Variants in HAL observed in about 807,000 individuals in gnomAD.
HAL encodes the protein histidase.
Under a neutral mutation model 81.1 loss-of-function variants are expected in HAL, and 85 were observed. That is an observed-to-expected ratio of 1.05 (90% CI 0.88 to 1.25). The LOEUF (loss-of-function observed/expected upper bound fraction) is 1.25. Ranked by LOEUF, HAL falls within the 50% of genes most tolerant of loss-of-function variation. The pLI is 0.00. For synonymous variants in HAL, 301 were observed against 309.2 expected (o/e 0.97, Z 0.28); for missense variants, 798 against 836.6 (o/e 0.95, Z 0.57).
intron 14 of HAL, 36 bp downstream of exon 14, chr12:95,985,872 A>T (rs1426526527): frequency 2.0e-6 from 3 of 1,467,658 alleles, no homozygotes; most frequent in Non-Finnish European, 2.8e-6. Flanking sequence ...CTTTATTGGC[A>T]TTTTTTATTG....
chr12:95,974,074 A>C lies in HAL; in HGVS notation c.*158T>G, dbSNP rs2080686027. On this transcript the variant is annotated 3_prime_UTR_variant, in exon 21 of 21. Transcript: ENST00000261208. Reference sequence around the variant, plus strand: ...GAACACAGTGCTGAATTTAGCAACTATAATACTGCCATCAGCCTAACCAAC... The same window carrying C: ...GAACACAGTGCTGAATTTAGCAACTCTAATACTGCCATCAGCCTAACCAAC... 2 of 750,952 alleles carry C rather than the reference A, an allele frequency of 2.7e-6. No individual in the cohort carries two copies. The highest frequency in any genetic ancestry group is 2.9e-5 in the South Asian group (2 of 69,826). The allele number at this position is 750,952 out of a possible 1,614,324, so 46.5% of individuals were successfully genotyped here.
In HAL at chr12:95,976,439, A is replaced by G. The variant is rs2080719373; in HGVS notation, c.1823T>C (p.Leu608Pro). 1.2e-6 allele frequency: 2 copies of G among 1,613,396 alleles called. No individual in the cohort carries two copies. Among genetic ancestry groups the G allele is most frequent in the Non-Finnish European group, 1.7e-6 (2 of 1,179,264 alleles). Residue 608 changes from leucine to proline, a missense_variant, in exon 20 of 21, where the codon CTG (leucine) becomes CCG (proline). By Grantham distance (98) the Leu-to-Pro change is moderately conservative (BLOSUM62 -3). Coordinates refer to ENST00000261208, the MANE Select transcript of HAL (RefSeq NM_002108.4). Reference protein sequence around the residue: ...PDIEAAHRLLLEQKVWEVAAP... With the variant: ...PDIEAAHRLLPEQKVWEVAAP... Reference sequence around the variant, plus strand: ...AAGGAGCCAGCTTGCCTTCTGCTCCAGGAGCAGCCTGTGGGCTGCCTCGAT... The same window carrying G: ...AAGGAGCCAGCTTGCCTTCTGCTCCGGGAGCAGCCTGTGGGCTGCCTCGAT...
rs955249045 is a variant in HAL, at chr12:95,974,287, G to GAA, written c.1917_1918dup (p.Ser640PhefsTer51). 11 of 1,613,536 alleles carry GAA rather than the reference G, an allele frequency of 6.8e-6. No individual in the cohort carries two copies. Among genetic ancestry groups the GAA allele is most frequent in the Non-Finnish European group, 8.5e-6 (10 of 1,179,546 alleles). On this transcript the variant is annotated frameshift_variant, in exon 21 of 21. Transcript: ENST00000261208. LOFTEE classifies it high-confidence loss of function. ...GGATTTCTTGTGCAGAAATTGCAGT[G>GAA]AAAAGGCTGTTGGAGAAAGAGGTCT...
chr12:95,989,534 A>T (rs559837880), intron 10 of HAL: 1 of 152,356 alleles, frequency 6.6e-6, no homozygotes, highest in South Asian at 2.1e-4. Flanking sequence ...GCAATGCAGA[A>T]CCACACATAG....
intron 20 of HAL, chr12:95,976,172 G>T (rs2080716558): frequency 7.9e-6 from 4 of 509,018 alleles, no homozygotes; most frequent in Non-Finnish European, 1.4e-5. Context: ...TTTTCCCCAT[G>T]AATATTGTCC....
chr12:95,975,384 A>T (rs757190414), intron 20 of HAL, among the ~76,000 whole-genome samples: 1 of 149,484 alleles, frequency 6.7e-6, no homozygotes, highest in Admixed American at 6.7e-5. Context: ...CATCATCTCA[A>T]AGTAAGGCCC....
Position 95,988,191 on chromosome 12 carries a change from A to G in HAL, c.903+2T>C. ...GAACATATTTTTCTTGAGTTTCCTT[A>G]CCTCTTTTGGTTTTAAAATAACTGG... On this transcript the variant is annotated splice_donor_variant, in intron 11 of 20. Transcript: ENST00000261208. LOFTEE classifies it high-confidence loss of function. 2 of 1,424,126 alleles carry G rather than the reference A, an allele frequency of 1.4e-6. No individual in the cohort carries two copies. The highest frequency in any genetic ancestry group is 2.0e-6 in the Non-Finnish European group (2 of 1,006,952). 88.2% of individuals were successfully genotyped at this position (1,424,126 alleles called of 1,614,324 possible).
chr12:95,984,923 C>G (rs753623331), intron 14 of HAL, among the ~76,000 whole-genome samples: 11 of 152,158 alleles, frequency 7.2e-5, no homozygotes, highest in Non-Finnish European at 1.5e-4. Context: ...AGGGAGGACT[C>G]TCTATTACAC....
rs1592845314 is a variant in HAL, at chr12:95,986,985, TTCTGTGTCTAAAGA to T, written c.1051+68_1051+81del. On this transcript the variant is annotated intron_variant, in intron 12 of 20. Coordinates refer to ENST00000261208, the MANE Select transcript of HAL (RefSeq NM_002108.4). Reference sequence around the variant, plus strand: ...CTTCCCTACTACCTGCCCCCACCACTTCTGTGTCTAAAGATCTCAGCCACCCCGCCCCACCACCT... The same window carrying T: ...CTTCCCTACTACCTGCCCCCACCACTTCTCAGCCACCCCGCCCCACCACCT... 1.1e-5 allele frequency: 13 copies of T among 1,209,206 alleles called. No homozygotes were observed. In the East Asian group the frequency reaches 3.0e-4, roughly 28 times the overall value. 74.9% of individuals were successfully genotyped at this position (1,209,206 alleles called of 1,614,324 possible). A position where few individuals can be genotyped will look rare whatever the true frequency, so the allele number is the denominator to read the frequency against.
At position 95,994,171 on chromosome 12, in the gene HAL, A is replaced by G; in HGVS notation, c.337-7T>C. ...CTCCATCTAACTCGATGTACTACAC[A>G]AAAGAAGGGGATCTCAGTGAGTCTG... On this transcript the variant is annotated splice_region_variant and splice_polypyrimidine_tract_variant and intron_variant, in intron 4 of 20. Transcript: ENST00000261208. 6.2e-7 allele frequency: 1 copy of G among 1,602,986 alleles called. No individual in the cohort carries two copies. Among genetic ancestry groups the G allele is most frequent in the Non-Finnish European group, 8.5e-7 (1 of 1,169,822 alleles).
intron 20 of HAL, chr12:95,976,135 G>C: frequency 2.4e-6 from 1 of 422,712 alleles, no homozygotes; most frequent in Non-Finnish European, 4.4e-6. Context: ...GGGGTGGGGA[G>C]GCATCAATGA....
Position 95,974,031 on chromosome 12 carries a change from C to T in HAL, c.*201G>A, listed in dbSNP as rs1410277154. On this transcript the variant is annotated 3_prime_UTR_variant, in exon 21 of 21. Coordinates refer to ENST00000261208, the MANE Select transcript of HAL (RefSeq NM_002108.4). ...TATAATCTGAAAATACCTGGTGGGTCTTGAACCACGACAACAGGAACACAG... is the reference window on the plus strand; with the variant it reads ...TATAATCTGAAAATACCTGGTGGGTTTTGAACCACGACAACAGGAACACAG... The T allele has an allele frequency of 4.7e-6, 3 of 638,520 alleles. No homozygotes were observed. The African/African-American group carries it at 5.5e-5, about 12-fold the overall frequency. 39.6% of individuals were successfully genotyped at this position (638,520 alleles called of 1,614,324 possible).
At position 95,995,733 on chromosome 12, in the gene HAL, C is replaced by T. The variant is rs762540017; in HGVS notation, c.178G>A (p.Gly60Ser). ...DAHFLVRRCK[G>S]LGLLDNEDRL... is the part of the protein sequence containing the mutation. ...TCCTCGTTGTCCAGCAGGCCCAGGCCCTTGCACCGGCGCACAAGGAAGTGC... is the reference window on the plus strand; with the variant it reads ...TCCTCGTTGTCCAGCAGGCCCAGGCTCTTGCACCGGCGCACAAGGAAGTGC... Residue 60 changes from glycine to serine, a missense_variant, in exon 2 of 21, where the codon GGC becomes AGC. Coordinates refer to ENST00000261208, the MANE Select transcript of HAL (RefSeq NM_002108.4). 1.1e-5 allele frequency: 17 copies of T among 1,613,860 alleles called. No homozygotes were observed. The highest frequency in any genetic ancestry group is 1.4e-5 in the Non-Finnish European group (17 of 1,180,044).
In HAL at chr12:95,985,929, G is replaced by A; in HGVS notation, c.1185C>T (p.Tyr395=). The A allele has an allele frequency of 3.7e-6, 6 of 1,609,598 alleles. No homozygotes were observed. Among genetic ancestry groups the A allele is most frequent in the South Asian group, 3.3e-5 (3 of 90,958 alleles). ...TTACCTGTGGACAGCAGCGCAAGGT[G>A]TATGCATCCTGGACGCGATCACAGA... ...HRFCDRVQDA[Y]TLRCCPQVHG... is the part of the protein sequence containing the mutation. Residue 395 remains tyrosine, a synonymous_variant, in exon 14 of 21, where the codon TAC becomes TAT. Transcript: ENST00000261208.
chr12:95,984,562 C>G (rs973721352), intron 14 of HAL, among the ~76,000 whole-genome samples: 1 of 152,228 alleles, frequency 6.6e-6, no homozygotes, highest in East Asian at 1.9e-4. Flanking sequence ...TGCTATAAAG[C>G]AGCACCTGGC....
intron 2 of HAL, 24 bp downstream of exon 2, chr12:95,995,640 C>T (rs765964282): frequency 1.2e-6 from 2 of 1,612,052 alleles, no homozygotes; most frequent in Non-Finnish European, 1.7e-6. Context: ...CACCCGTTCG[C>T]GGCCCTCTCC....
In HAL at chr12:95,988,196, T is replaced by C; in HGVS notation, c.900A>G (p.Lys300=). The change falls in exon 11 of 21, where the codon AAA becomes AAG. Residue 300 remains lysine, a synonymous_variant. Transcript: ENST00000261208. ...HGLKPVILKP[K]EGLALINGTQ... Reference sequence around the variant, plus strand: ...TATTTTTCTTGAGTTTCCTTACCTCTTTTGGTTTTAAAATAACTGGTTTCA... The same window carrying C: ...TATTTTTCTTGAGTTTCCTTACCTCCTTTGGTTTTAAAATAACTGGTTTCA... 6.8e-7 allele frequency: 1 copy of C among 1,473,256 alleles called. No individual in the cohort carries two copies. The highest frequency in any genetic ancestry group is 9.5e-7 in the Non-Finnish European group (1 of 1,051,720). 91.3% of individuals were successfully genotyped at this position (1,473,256 alleles called of 1,614,324 possible). A position where few individuals can be genotyped will look rare whatever the true frequency, so the allele number is the denominator to read the frequency against.
At chr12:95,988,083 CA>C in intron 11 of HAL, 109 bp downstream of exon 11, 1 of 742,882 alleles carries the variant, frequency 1.3e-6, no homozygotes. Context: ...GAACTTTAAG[CA>C]AACATGCAAG....
At chr12:95,984,927 A>G (rs1565989258) in intron 14 of HAL, among the ~76,000 whole-genome samples, 1 of 152,208 alleles carries the variant, frequency 6.6e-6, no homozygotes, top group Admixed American at 6.5e-5. Flanking sequence ...AGGACTCTCT[A>G]TTACACCATA....
Sources: allele counts gnomAD v4.1 joint callset (sites outside exome capture counted in the v4.1 genomes callset), GRCh38; gene constraint gnomAD v4.1.1; transcripts MANE v1.5; gene names NCBI Gene and HGNC (gene_info 2026-07-23, HGNC 2026-07-21).